Variants in PIK3R3 observed in about 807,000 individuals in gnomAD.
PIK3R3 encodes the protein phosphoinositide-3-kinase regulatory subunit 3, also known as phosphatidylinositol 3-kinase regulatory subunit gamma.
A neutral mutation model predicts 62.9 loss-of-function variants in PIK3R3; 64 were observed. That is an observed-to-expected ratio of 1.02 (90% confidence interval 0.83 to 1.25). The LOEUF is 1.25. PIK3R3 is among the 50% of genes most tolerant of loss of function. The pLI is 0.00. For synonymous variants in PIK3R3, 165 were observed against 189.0 expected, an observed-to-expected ratio of 0.87 and a Z score of 1.04; for missense variants, 614 against 561.6, an observed-to-expected ratio of 1.09 and a Z score of -0.94.
At chr1:46,141,619 T>C in the PIK3R3 span, among the ~76,000 whole-genome samples, 1 of 152,208 alleles carries the variant, frequency 6.6e-6, no homozygotes, top group African/African-American at 2.4e-5. Context: ...AATTTTAGAA[T>C]AAAGGATCAT....
At chr1:46,172,976 G>GAAA in the PIK3R3 span, among the ~76,000 whole-genome samples, 1 of 151,924 alleles carries the variant, frequency 6.6e-6, no homozygotes, top group South Asian at 2.1e-4. Context: ...CTGGGCAACA[G>GAAA]AGCCAGGCGC....
Position 46,071,730 on chromosome 1 carries a change from T to TAG in PIK3R3, c.315-4641_315-4640dup, listed in dbSNP as rs140765040. On this transcript the variant is annotated intron_variant, in intron 3 of 9. Coordinates refer to ENST00000262741, the MANE Select transcript of PIK3R3 (RefSeq NM_003629.4). ...AAAAAAAAATATATATATATATATA[T>TAG]AGAGAGAGAGAGAGAGAGAGAGAGA... is the stretch of plus-strand genomic sequence containing the variant. Among the ~76,000 whole-genome samples the TAG allele has an allele frequency of 1.7e-3, 101 of 59,072 alleles. 6 individuals carry two copies. The highest frequency in any genetic ancestry group is 3.4e-3 in the African/African-American group (43 of 12,682). 38.8% of individuals were successfully genotyped at this position (59,072 alleles called of 152,430 possible).
chr1:46,059,610 TTCAGGACC>T (rs1297519846), intron 6 of PIK3R3, among the ~76,000 whole-genome samples: 1 of 149,504 alleles, frequency 6.7e-6, no homozygotes, highest in Non-Finnish European at 1.5e-5. Flanking sequence ...AGTCCAGGAG[TTCAGGACC>T]CCATCTCTAC....
chr1:46,123,748 T>A (rs1420947462), intron 1 of PIK3R3, among the ~76,000 whole-genome samples: 1 of 152,314 alleles, frequency 6.6e-6, no homozygotes, highest in Middle Eastern at 3.4e-3. Flanking sequence ...TAGAGTGGGA[T>A]AATAACAATG....
chr1:46,095,822 C>G (rs1652071418), intron 1 of PIK3R3, among the ~76,000 whole-genome samples: 1 of 151,484 alleles, frequency 6.6e-6, no homozygotes, highest in South Asian at 2.1e-4. Context: ...CATTTTGATA[C>G]CACCCACTCA....
the PIK3R3 span, among the ~76,000 whole-genome samples, chr1:46,139,293 C>G: frequency 6.6e-6 from 1 of 151,794 alleles, no homozygotes; most frequent in Non-Finnish European, 1.5e-5. Context: ...TTTTGCTGAC[C>G]CACGTGCTTC....
At chr1:46,062,174 C>A (rs1471147647) in intron 5 of PIK3R3, 103 bp from the exon 6 acceptor site, 4 of 867,640 alleles carry the variant, frequency 4.6e-6, no homozygotes, top group Non-Finnish European at 7.0e-6. Flanking sequence ...TAATGTAATC[C>A]CATATAACAC....
Position 46,132,006 on chromosome 1 carries a change from T to C in PIK3R3, c.-54A>G. ...ATATATAGAAGGCATATATTTTTTA[T>C]CTGGTATTTAAAAATCTAAAAATAT... is the stretch of plus-strand genomic sequence containing the variant. On this transcript the variant is annotated 5_prime_UTR_variant, in exon 1 of 10. Coordinates refer to ENST00000262741, the MANE Select transcript of PIK3R3 (RefSeq NM_003629.4). 6.3e-7 allele frequency: 1 copy of C among 1,585,548 alleles called. No homozygotes were observed. Among genetic ancestry groups the C allele is most frequent in the South Asian group, 1.2e-5 (1 of 86,176 alleles).
chr1:46,116,929 A>G (rs971806963), intron 1 of PIK3R3, among the ~76,000 whole-genome samples: 6 of 152,170 alleles, frequency 3.9e-5, no homozygotes, highest in Admixed American at 2.0e-4. Flanking sequence ...TTTTATATCA[A>G]TATCTATCTA....
chr1:46,165,813 C>T, the PIK3R3 span, among the ~76,000 whole-genome samples: 1 of 109,908 alleles, frequency 9.1e-6, no homozygotes, highest in East Asian at 3.2e-4. Context: ...ACTCTGTAGC[C>T]CAGGTTGGAG....
chr1:46,171,171 C>G, the PIK3R3 span, among the ~76,000 whole-genome samples: 7 of 152,208 alleles, frequency 4.6e-5, no homozygotes, highest in Non-Finnish European at 1.0e-4. Flanking sequence ...ATTTCCACCT[C>G]TCCCGAGGCT....
chr1:46,090,735 T>C (rs1009717527), intron 1 of PIK3R3, among the ~76,000 whole-genome samples: 2 of 152,232 alleles, frequency 1.3e-5, no homozygotes, highest in Non-Finnish European at 2.9e-5. Context: ...ATTAATACTG[T>C]ATTTAACTAT....
chr1:46,104,364 G>C (rs1226904268), intron 1 of PIK3R3, among the ~76,000 whole-genome samples: 1 of 152,096 alleles, frequency 6.6e-6, no homozygotes. Context: ...TTCTTTTCAA[G>C]TCAGTTTTGG....
At chr1:46,048,856 AC>A (rs1448478410) in intron 7 of PIK3R3, among the ~76,000 whole-genome samples, 1 of 152,230 alleles carries the variant, frequency 6.6e-6, no homozygotes, top group African/African-American at 2.4e-5. Context: ...CTGAGTCCTT[AC>A]AAACCTATTA....
At chr1:46,143,860 T>C in the PIK3R3 span, among the ~76,000 whole-genome samples, 2 of 152,172 alleles carry the variant, frequency 1.3e-5, no homozygotes, top group African/African-American at 4.8e-5. Context: ...AATACTTGCA[T>C]CTCTACTCTG....
chr1:46,121,733 C>T (rs1654698476), intron 1 of PIK3R3, among the ~76,000 whole-genome samples: 1 of 152,022 alleles, frequency 6.6e-6, no homozygotes, highest in African/African-American at 2.4e-5. Context: ...TGTTACATAT[C>T]CTCAGGTAAG....
Position 46,043,799 on chromosome 1 carries a change from G to T in PIK3R3, c.1260C>A (p.Asn420Lys). 1 of 1,614,044 alleles carries T rather than the reference G, an allele frequency of 6.2e-7. No individual in the cohort carries two copies. The highest frequency in any genetic ancestry group is 8.5e-7 in the Non-Finnish European group (1 of 1,179,900). Reference protein sequence around the residue: ...ARGYGFAEPYNLYSSLKELVL... With the variant: ...ARGYGFAEPYKLYSSLKELVL... ...CTAGCTCCTTCAGAGAGCTGTACAG[G>T]TTGTAGGGCTCTGCAAAGCCATAGC... Residue 420 changes from asparagine (N) to lysine (K), a missense_variant, in exon 10 of 10, where the codon AAC becomes AAA. Coordinates refer to ENST00000262741, the MANE Select transcript of PIK3R3 (RefSeq NM_003629.4).
the PIK3R3 span, among the ~76,000 whole-genome samples, chr1:46,143,575 C>G: frequency 5.9e-5 from 9 of 152,068 alleles, no homozygotes; most frequent in East Asian, 1.7e-3. Context: ...TCTGCCCTCC[C>G]CACCACCACC....
chr1:46,172,790 C>A, the PIK3R3 span, among the ~76,000 whole-genome samples: 1 of 152,040 alleles, frequency 6.6e-6, no homozygotes, highest in Non-Finnish European at 1.5e-5. Flanking sequence ...GCCAGGAGTT[C>A]AAGACCAGCC....
Sources: allele counts gnomAD v4.1 joint callset (sites outside exome capture counted in the v4.1 genomes callset), GRCh38; gene constraint gnomAD v4.1.1; transcripts MANE v1.5; gene names NCBI Gene and HGNC (gene_info 2026-07-23, HGNC 2026-07-21).